Variants in ZNF568 observed in about 807,000 individuals in gnomAD.
ZNF568 encodes zinc finger protein 568.
ZNF568 carries 11 observed loss-of-function variants against 18.1 expected under a neutral mutation model. The ratio of observed to expected loss-of-function variants is 0.61; its 90% CI spans 0.38 to 1.00. The LOEUF (loss-of-function observed/expected upper bound fraction) is 1.00. Among genes scored for constraint, ZNF568 ranks in the 50% least tolerant of loss-of-function variants. The probability of loss-of-function intolerance (pLI) is 0.01; values close to 1 mark genes in which losing one functional copy is unlikely to be tolerated. For synonymous variants in ZNF568, 213 were observed against 246.6 expected, an observed-to-expected ratio of 0.86 and a Z score of 1.28; for missense variants, 639 against 768.2, an observed-to-expected ratio of 0.83 and a Z score of 1.99.
Position 36,927,844 on chromosome 19 carries a change from ATG to A in ZNF568, c.135+2602_135+2603del, listed in dbSNP as rs367925001. Among the ~76,000 whole-genome samples, 606 of 83,514 alleles carry A rather than the reference ATG, an allele frequency of 7.3e-3. 15 individuals carry two copies. Among genetic ancestry groups the A allele is most frequent in the African/African-American group, 0.016 (309 of 18,878 alleles). 54.8% of individuals were successfully genotyped at this position (83,514 alleles called of 152,430 possible). A position where few individuals can be genotyped will look rare whatever the true frequency, so the allele number is the denominator to read the frequency against. On this transcript the variant is annotated intron_variant, in intron 4 of 6. Coordinates refer to ENST00000333987, the MANE Select transcript of ZNF568 (RefSeq NM_198539.4). Reference sequence around the variant, plus strand: ...TAAATATATATATATATAAAGATATATGTGTGTGTGTGTGTGTATATATATAT... The same window carrying A: ...TAAATATATATATATATAAAGATATATGTGTGTGTGTGTGTATATATATAT...
chr19:36,949,470 T>C (rs541577678), intron 6 of ZNF568, 42 bp from the exon 7 acceptor site: 7 of 1,521,506 alleles, frequency 4.6e-6, no homozygotes, highest in East Asian at 2.3e-5. Flanking sequence ...AGTCTAGTGG[T>C]AGAATAATTC....
downstream of ZNF568, among the ~76,000 whole-genome samples, chr19:36,983,746 A>G (rs1265492023): frequency 1.3e-5 from 2 of 152,038 alleles, no homozygotes; most frequent in Non-Finnish European, 2.9e-5. Flanking sequence ...GTGTATGTAT[A>G]TATAATATGT....
intron 6 of ZNF568, among the ~76,000 whole-genome samples, chr19:36,946,627 T>A (rs2073968458): frequency 1.3e-5 from 2 of 150,232 alleles, no homozygotes; most frequent in Admixed American, 6.7e-5. Flanking sequence ...AAAAGAAATT[T>A]TTTAGTTTTT....
Position 36,922,869 on chromosome 19 carries a change from A to T in ZNF568, c.76+23A>T, listed in dbSNP as rs751491270. ...AAGGTGAGGTGGCTCATAGGTGGAC[A>T]GAGCTTAGGAGAGAAAGGCTCTACA... On this transcript the variant is annotated intron_variant, in intron 3 of 6. Transcript: ENST00000333987. 1.1e-5 allele frequency: 18 copies of T among 1,607,882 alleles called. No homozygotes were observed. The South Asian group carries it at 1.9e-4, about 17-fold the overall frequency.
intron 6 of ZNF568, among the ~76,000 whole-genome samples, chr19:36,972,987 C>A (rs1352720862): frequency 1.3e-5 from 2 of 152,230 alleles, no homozygotes; most frequent in African/African-American, 4.8e-5. Context: ...ACTATTGCTG[C>A]CTGGGCCTGT....
chr19:36,997,088 T>A (rs746557761), exon 5 of ZNF568: 1 of 1,565,194 alleles, frequency 6.4e-7, no homozygotes, highest in African/African-American at 1.4e-5. Flanking sequence ...GACACACAGC[T>A]GAGCCTTCAT....
intron 3 of ZNF568, chr19:36,991,728 T>G: frequency 6.5e-7 from 1 of 1,539,202 alleles, no homozygotes; most frequent in Non-Finnish European, 8.7e-7. Context: ...CAACAAAACC[T>G]TGTTCCCTTT....
At chr19:36,968,110 T>G (rs1276511783) in intron 6 of ZNF568, among the ~76,000 whole-genome samples, 1 of 152,182 alleles carries the variant, frequency 6.6e-6, no homozygotes, top group Non-Finnish European at 1.5e-5. Context: ...CACTGAAGAA[T>G]AATATGTATA....
chr19:36,991,878 A>G (rs766033134), intron 4 of ZNF568: 1 of 1,521,068 alleles, frequency 6.6e-7, no homozygotes, highest in Non-Finnish European at 8.8e-7. Context: ...TGGGGAGGCC[A>G]TAGCAGGTGG....
intron 6 of ZNF568, among the ~76,000 whole-genome samples, chr19:36,960,243 G>A (rs998164979): frequency 4.0e-5 from 6 of 148,526 alleles, no homozygotes; most frequent in African/African-American, 1.2e-4. Context: ...TCAGCCTCCC[G>A]AGTACCTGGG....
Position 36,950,262 on chromosome 19 carries a change from C to T in ZNF568, c.1109C>T (p.Ala370Val). 3 of 1,613,956 alleles carry T rather than the reference C, an allele frequency of 1.9e-6. No homozygotes were observed. The highest frequency in any genetic ancestry group is 2.5e-6 in the Non-Finnish European group (3 of 1,179,980). Residue 370 changes from alanine to valine, a missense_variant, in exon 7 of 7, where the codon GCT becomes GTT. By Grantham distance (64) the Ala-to-Val change is moderately conservative. Transcript: ENST00000333987. ...KPYACNECGR[A>V]FSRMSSVTLH... is the part of the protein sequence containing the mutation. ...TATGCATGTAATGAATGTGGTAGAG[C>T]TTTTTCTCGAATGTCATCTGTTACG...
intron 2 of ZNF568, among the ~76,000 whole-genome samples, chr19:36,986,066 T>C (rs962085793): frequency 1.3e-5 from 2 of 152,148 alleles, no homozygotes; most frequent in African/African-American, 4.8e-5. Flanking sequence ...AGGACCACCA[T>C]AAAGTAAACA....
At chr19:36,929,443 T>G (rs1007444442) in intron 4 of ZNF568, among the ~76,000 whole-genome samples, 1 of 152,012 alleles carries the variant, frequency 6.6e-6, no homozygotes. Context: ...CCCAGCACTT[T>G]GGGAGGCTGA....
chr19:36,993,883 C>G (rs1404008333), intron 4 of ZNF568, among the ~76,000 whole-genome samples: 1 of 151,816 alleles, frequency 6.6e-6, no homozygotes, highest in Non-Finnish European at 1.5e-5. Context: ...TGTTGTTTTT[C>G]TATTCTCTAT....
chr19:36,963,047 T>G (rs2074167313), intron 6 of ZNF568, among the ~76,000 whole-genome samples: 1 of 152,204 alleles, frequency 6.6e-6, no homozygotes, highest in Non-Finnish European at 1.5e-5. Context: ...GAAGTTTTCA[T>G]CCATAATTTT....
At chr19:36,989,181 C>T (rs910108610) in intron 2 of ZNF568, among the ~76,000 whole-genome samples, 1 of 152,132 alleles carries the variant, frequency 6.6e-6, no homozygotes, top group African/African-American at 2.4e-5. Flanking sequence ...ACTGCTATCT[C>T]TTTTATTGAT....
chr19:36,970,922 G>C (rs760783329), intron 6 of ZNF568, among the ~76,000 whole-genome samples: 1 of 151,956 alleles, frequency 6.6e-6, no homozygotes, highest in Non-Finnish European at 1.5e-5. Flanking sequence ...CATGGTTATA[G>C]AGTTGTACAT....
At chr19:36,920,324 T>A (rs2073430904) in intron 2 of ZNF568, among the ~76,000 whole-genome samples, 1 of 152,152 alleles carries the variant, frequency 6.6e-6, no homozygotes, top group Non-Finnish European at 1.5e-5. Context: ...CAAAAAGTTT[T>A]AAAAAATTGA....
At chr19:36,982,213 CA>C (rs1450862841), downstream of ZNF568, among the ~76,000 whole-genome samples, 1 of 152,162 alleles carries the variant, frequency 6.6e-6, no homozygotes, top group Admixed American at 6.5e-5. Context: ...CCTCCCAGAA[CA>C]GTTTTGAATG....
Sources: gnomAD v4.1 joint callset for allele counts (sites outside exome capture counted in the v4.1 genomes callset) on GRCh38, gnomAD v4.1.1 for gene constraint, MANE v1.5 for transcripts, NCBI Gene and HGNC (gene_info 2026-07-23, HGNC 2026-07-21) for gene names.